NAV2: variants seen among roughly 807,000 people sequenced by gnomAD.
NAV2 encodes helicase, APC down-regulated 1.
In NAV2, 54 loss-of-function variants were observed where a neutral mutation model predicts 223.2. The observed-to-expected ratio is 0.24, with a 90% CI of 0.19 to 0.30. The LOEUF (loss-of-function observed/expected upper bound fraction) is 0.30. Ranked by LOEUF, NAV2 falls within the 10% of genes least tolerant of loss-of-function variation. The pLI is 1.00. For synonymous variants in NAV2, 1,279 were observed against 1,239.3 expected (o/e 1.03, Z -0.67); for missense variants, 2,806 against 3,147.5 (o/e 0.89, Z 2.60).
At chr11:19,970,206 T>C (rs1245302723) in intron 10 of NAV2, among the ~76,000 whole-genome samples, 1 of 152,146 alleles carries the variant, frequency 6.6e-6, no homozygotes, top group Non-Finnish European at 1.5e-5. Flanking sequence ...TCTTGCTCTG[T>C]TGCCCAGGGT....
chr11:19,631,240 A>G (rs141581137), intron 1 of NAV2, among the ~76,000 whole-genome samples: 2,486 of 152,056 alleles, frequency 0.016, 38 homozygotes, highest in Non-Finnish European at 0.022. Context: ...ATATCTCCCA[A>G]TGCTATCCCT....
At chr11:19,714,447 G>T (rs2050118626) in intron 1 of NAV2, 2 of 457,282 alleles carry the variant, frequency 4.4e-6, no homozygotes, top group Non-Finnish European at 8.8e-6. Context: ...GGGGATCGCG[G>T]GTGGCAGTGA....
At chr11:19,720,789 T>C (rs984119413) in intron 1 of NAV2, among the ~76,000 whole-genome samples, 1 of 152,260 alleles carries the variant, frequency 6.6e-6, no homozygotes, top group Non-Finnish European at 1.5e-5. Context: ...TGAAGAGAAC[T>C]GGAAATGACC....
At chr11:19,794,858 T>A (rs1029903427) in intron 1 of NAV2, among the ~76,000 whole-genome samples, 1 of 152,220 alleles carries the variant, frequency 6.6e-6, no homozygotes, top group Admixed American at 6.5e-5. Flanking sequence ...TTTATTTGAA[T>A]AATTTATTGC....
At chr11:19,432,579 A>G (rs1027261114) in intron 1 of NAV2, among the ~76,000 whole-genome samples, 2 of 152,234 alleles carry the variant, frequency 1.3e-5, no homozygotes, top group Non-Finnish European at 2.9e-5. Context: ...GAAAGCCAGG[A>G]TGAAGCAGCC....
At chr11:20,043,381 G>T (rs758358098) in intron 12 of NAV2, among the ~76,000 whole-genome samples, 1 of 152,080 alleles carries the variant, frequency 6.6e-6, no homozygotes, top group Non-Finnish European at 1.5e-5. Flanking sequence ...CCTTCCCCTC[G>T]CTAGGGCTCT....
At chr11:19,811,948 A>C (rs1274193808) in intron 1 of NAV2, among the ~76,000 whole-genome samples, 1 of 152,154 alleles carries the variant, frequency 6.6e-6, no homozygotes, top group African/African-American at 2.4e-5. Context: ...CTTTGCCTGG[A>C]ATGGTCTTCC....
At chr11:19,691,283 A>T (rs10741793) in intron 1 of NAV2, among the ~76,000 whole-genome samples, 98,810 of 151,648 alleles carry the variant, frequency 0.65, 36,797 homozygotes, top group Non-Finnish European at 0.82. Flanking sequence ...GACATTCATT[A>T]TAGCAAATGA....
At chr11:20,048,692 G>T (rs757554802) in intron 14 of NAV2, 36 bp from the exon 15 acceptor site, 1 of 1,577,078 alleles carries the variant, frequency 6.3e-7, no homozygotes, top group Non-Finnish European at 8.7e-7. Context: ...CTTGGCACTG[G>T]GTGTTCAACC....
At chr11:20,053,098 G>T (rs185594594) in intron 17 of NAV2, among the ~76,000 whole-genome samples, 1 of 151,294 alleles carries the variant, frequency 6.6e-6, no homozygotes, top group Non-Finnish European at 1.5e-5. Context: ...CATGCCTATA[G>T]TCCCAGCTAC....
rs553082696 is a variant in NAV2 at position 19,832,133 on chromosome 11, G to A, written c.268-351G>A. ...AGAGAAAAAGATGGGAAGGGGTGGGGGAGACTTTGCTTGCATCTAGAGTCG... is the reference window on the plus strand; with the variant it reads ...AGAGAAAAAGATGGGAAGGGGTGGGAGAGACTTTGCTTGCATCTAGAGTCG... On this transcript the variant is annotated intron_variant, in intron 1 of 37. Transcript: ENST00000349880. 2.0e-3 allele frequency among the ~76,000 whole-genome samples: 304 copies of A among 152,296 alleles called. 2 individuals are homozygous for A. In the Middle Eastern group the frequency reaches 0.024, roughly 12 times the overall value.
At chr11:19,414,303 T>C (rs1197234394) in intron 1 of NAV2, among the ~76,000 whole-genome samples, 1 of 152,176 alleles carries the variant, frequency 6.6e-6, no homozygotes, top group East Asian at 1.9e-4. Flanking sequence ...CCTAGTTCTC[T>C]GATAAAACAG....
At chr11:19,549,631 G>C (rs1440381056) in intron 1 of NAV2, among the ~76,000 whole-genome samples, 2 of 152,232 alleles carry the variant, frequency 1.3e-5, no homozygotes, top group African/African-American at 4.8e-5. Context: ...AAGGACCCCA[G>C]CTCAGAAGGC....
intron 1 of NAV2, among the ~76,000 whole-genome samples, chr11:19,352,861 C>G: frequency 6.6e-6 from 1 of 152,160 alleles, no homozygotes; most frequent in Non-Finnish European, 1.5e-5. Flanking sequence ...TCTAGAAATA[C>G]CGCCACTGCA....
chr11:19,645,302 T>C (rs2047784313), intron 1 of NAV2, among the ~76,000 whole-genome samples: 1 of 152,226 alleles, frequency 6.6e-6, no homozygotes, highest in Admixed American at 6.5e-5. Context: ...TCCTGCCTCC[T>C]GCTTTCACTT....
intron 1 of NAV2, among the ~76,000 whole-genome samples, chr11:19,397,420 C>T (rs11025118): frequency 0.033 from 1,048 of 32,178 alleles, 15 homozygotes; most frequent in African/African-American, 0.083. Context: ...TGTGTGTGTG[C>T]GCGCATGTGT....
Position 20,045,070 on chromosome 11 carries a change from A to C in NAV2, c.3302A>C (p.Glu1101Ala), listed in dbSNP as rs759665749. The C allele has an allele frequency of 8.7e-6, 14 of 1,614,004 alleles. No individual in the cohort carries two copies. The highest frequency in any genetic ancestry group is 1.2e-5 in the Non-Finnish European group (14 of 1,180,018). ...GATGCAGGCCGGAGCAGTGGTGACGAATCCAAAAAGCCCCTCCCCAGCAGC... is the reference window on the plus strand; with the variant it reads ...GATGCAGGCCGGAGCAGTGGTGACGCATCCAAAAAGCCCCTCCCCAGCAGC... ...PSDAGRSSGD[E>A]SKKPLPSSSR... Residue 1101 changes from glutamate to alanine, a missense_variant, in exon 14 of 38, where the codon GAA (glutamate) becomes GCA (alanine). Transcript: ENST00000349880.
At chr11:19,704,717 GGAA>G (rs745686006) in intron 1 of NAV2, among the ~76,000 whole-genome samples, 2 of 152,172 alleles carry the variant, frequency 1.3e-5, no homozygotes, top group South Asian at 2.1e-4. Flanking sequence ...CATATGTGTG[GGAA>G]GAAGAATAGA....
chr11:19,923,263 TTAAAC>T, intron 6 of NAV2, among the ~76,000 whole-genome samples: 1 of 152,298 alleles, frequency 6.6e-6, no homozygotes, highest in African/African-American at 2.4e-5. Context: ...GGCTTTTTCT[TTAAAC>T]TATCCCATAA....
Sources: allele counts gnomAD v4.1 joint callset (sites outside exome capture counted in the v4.1 genomes callset), GRCh38; gene constraint gnomAD v4.1.1; transcripts MANE v1.5; gene names NCBI Gene and HGNC (gene_info 2026-07-23, HGNC 2026-07-21).